The following NCAN variants were observed in gnomAD, a reference collection of about 807,000 sequenced individuals.
The protein encoded by NCAN is neurocan.
In NCAN, 47 loss-of-function variants were observed where a neutral mutation model predicts 121.8. The observed-to-expected ratio is 0.39, with a 90% CI of 0.31 to 0.49. NCAN has a LOEUF of 0.49. Among genes scored for constraint, NCAN ranks in the 20% least tolerant of loss-of-function variants. NCAN has a pLI of 0.92. For missense variants in NCAN, 1,517 were observed against 1,773.4 expected (o/e 0.86, Z 2.60); for synonymous variants, 633 against 702.0 (o/e 0.90, Z 1.55).
chr19:19,213,996 AC>A (rs1425572253), intron 1 of NCAN, among the ~76,000 whole-genome samples: 5 of 152,012 alleles, frequency 3.3e-5, no homozygotes, highest in Non-Finnish European at 7.4e-5. Flanking sequence ...CATGTGCTCC[AC>A]CCGGTGCACG....
chr19:19,236,560 G>A (rs939905546), intron 10 of NCAN, among the ~76,000 whole-genome samples: 4 of 151,948 alleles, frequency 2.6e-5, no homozygotes, highest in African/African-American at 9.7e-5. Context: ...ACTCTCAGGA[G>A]TGGAATTGCT....
In NCAN at chr19:19,251,483, G is replaced by A. The variant is rs577622079; in HGVS notation, c.*1572G>A. The stretch of plus-strand genomic sequence containing the variant: ...GGTACTGGCTTGAAGTCACAACCAC[G>A]ACAGGAGTAAGGATTTGGAATAAGG... On this transcript the variant is annotated 3_prime_UTR_variant, in exon 15 of 15. Coordinates refer to ENST00000252575, the MANE Select transcript of NCAN (RefSeq NM_004386.3). 6.6e-6 allele frequency: 1 copy of A among 152,202 alleles called. No individual in the cohort carries two copies. Among genetic ancestry groups the A allele is most frequent in the East Asian group, 1.9e-4 (1 of 5,186 alleles). 9.4% of individuals were successfully genotyped at this position (152,202 alleles called of 1,614,324 possible).
At chr19:19,230,563 T>C (rs1274401609) in intron 8 of NCAN, among the ~76,000 whole-genome samples, 1 of 151,486 alleles carries the variant, frequency 6.6e-6, no homozygotes, top group Non-Finnish European at 1.5e-5. Flanking sequence ...CCAACAGGCC[T>C]GGCTAATTTT....
chr19:19,237,178 G>T (rs1448931557), intron 10 of NCAN, among the ~76,000 whole-genome samples: 1 of 151,604 alleles, frequency 6.6e-6, no homozygotes, highest in Non-Finnish European at 1.5e-5. Context: ...CAAAATACTG[G>T]GATTACAGGC....
rs375655658 is a variant in NCAN at position 19,226,900 on chromosome 19, C to T, written c.1487C>T (p.Pro496Leu). ...LNGRYFQQQEPEPGLQGGMEA... is the reference protein window; with the variant it reads ...LNGRYFQQQELEPGLQGGMEA... The stretch of plus-strand genomic sequence containing the variant: ...GGGCGCTACTTCCAGCAGCAGGAAC[C>T]GGAGCCGGGGCTGCAAGGGGGGATG... Residue 496 changes from proline (P) to leucine (L), a missense_variant, in exon 7 of 15, where the codon CCG (proline) becomes CTG (leucine). Transcript: ENST00000252575. 29 of 1,607,792 alleles carry T rather than the reference C, an allele frequency of 1.8e-5. No individual in the cohort carries two copies. Among genetic ancestry groups the T allele is most frequent in the South Asian group, 2.2e-5 (2 of 90,610 alleles).
At chr19:19,232,832 G>T (rs929166038) in intron 8 of NCAN, 4 of 152,064 alleles carry the variant, frequency 2.6e-5, no homozygotes, top group Non-Finnish European at 5.9e-5. Context: ...AGAAACGATT[G>T]TTCTAATAAA....
chr19:19,234,893 C>T, intron 9 of NCAN, 90 bp from the exon 10 acceptor site: 2 of 741,794 alleles, frequency 2.7e-6, no homozygotes, highest in Admixed American at 2.6e-5. Context: ...GATGGTAGGA[C>T]CATGACCCCA....
intron 5 of NCAN, 127 bp from the exon 6 acceptor site, chr19:19,224,850 T>C: frequency 1.2e-6 from 1 of 809,028 alleles, no homozygotes; most frequent in Non-Finnish European, 1.8e-6. Context: ...ACAGCTGCGG[T>C]TGTCACCGCC....
rs759718731 is a variant in NCAN at position 19,224,215 on chromosome 19, C to G, written c.650+20C>G. 6 of 1,586,790 alleles carry G rather than the reference C, an allele frequency of 3.8e-6. 1 individual carries two copies. The South Asian group carries it at 6.8e-5, about 18-fold the overall frequency. On this transcript the variant is annotated intron_variant, in intron 4 of 14. Coordinates refer to ENST00000252575, the MANE Select transcript of NCAN (RefSeq NM_004386.3). ...TGTTCGGTGAGGGGGATACACAGGG[C>G]AGGGAGATGAAGACTAGCTCATGGG...
intron 2 of NCAN, among the ~76,000 whole-genome samples, chr19:19,218,058 C>G (rs2060802295): frequency 6.6e-6 from 1 of 151,298 alleles, no homozygotes; most frequent in African/African-American, 2.4e-5. Flanking sequence ...GTAGGTGGAT[C>G]AGTTGAGGTC....
rs1046556423 is a variant in NCAN, at chr19:19,250,355, G to A, written c.*444G>A. ...ATCCAGGAAGAAGCCTGGACGTAGG[G>A]TCATTAGCTTTGGGAATAGAAGGCT... On this transcript the variant is annotated 3_prime_UTR_variant, in exon 15 of 15. Transcript: ENST00000252575. 2 of 360,122 alleles carry A rather than the reference G, an allele frequency of 5.6e-6. No homozygotes were observed. The highest frequency in any genetic ancestry group is 2.1e-5 in the South Asian group (1 of 46,690). 22.3% of individuals were successfully genotyped at this position (360,122 alleles called of 1,614,324 possible).
At chr19:19,234,902 C>G in intron 9 of NCAN, 81 bp from the exon 10 acceptor site, 1 of 815,296 alleles carries the variant, frequency 1.2e-6, no homozygotes, top group Non-Finnish European at 2.0e-6. Flanking sequence ...ACCATGACCC[C>G]ATCTTCTGCT....
chr19:19,229,894 C>T (rs1051003217), intron 8 of NCAN, among the ~76,000 whole-genome samples: 2 of 152,116 alleles, frequency 1.3e-5, no homozygotes, highest in Non-Finnish European at 2.9e-5. Flanking sequence ...CTGGCCAACA[C>T]AGCAAGACCC....
rs891618170 is a variant in NCAN at position 19,225,307 on chromosome 19, T to G, written c.1072+37T>G. On this transcript the variant is annotated intron_variant, in intron 6 of 14. Transcript: ENST00000252575. The surrounding 1 kb of genome is among the most constrained non-coding windows in gnomAD (Gnocchi z 4.0). ...CCCTGGTGGCCGCGCCCCCAGGGCTTTCACTTTGGCGAAGGCCACGTCCCT... is the reference window on the plus strand; with the variant it reads ...CCCTGGTGGCCGCGCCCCCAGGGCTGTCACTTTGGCGAAGGCCACGTCCCT... 1 of 1,484,292 alleles carries G rather than the reference T, an allele frequency of 6.7e-7. No homozygotes were observed. Among genetic ancestry groups the G allele is most frequent in the African/African-American group, 1.5e-5 (1 of 67,910 alleles). 91.9% of individuals were successfully genotyped at this position (1,484,292 alleles called of 1,614,324 possible).
At chr19:19,228,800 G>A (rs539244045) in intron 8 of NCAN, among the ~76,000 whole-genome samples, 161 bp downstream of exon 8, 4 of 152,330 alleles carry the variant, frequency 2.6e-5, no homozygotes, top group Non-Finnish European at 5.9e-5. Context: ...AGGTGGAGTT[G>A]AATTTCAGAA....
intron 10 of NCAN, among the ~76,000 whole-genome samples, chr19:19,236,685 C>T (rs1159079275): frequency 1.3e-5 from 2 of 150,506 alleles, no homozygotes; most frequent in African/African-American, 4.9e-5. Context: ...CTGCCTCAGC[C>T]TCCCAAAGTG....
chr19:19,236,276 T>G (rs1391224134), intron 10 of NCAN, among the ~76,000 whole-genome samples: 1 of 152,242 alleles, frequency 6.6e-6, no homozygotes, highest in East Asian at 1.9e-4. Context: ...TCAAAATATG[T>G]GTCTTTTGTG....
intron 3 of NCAN, among the ~76,000 whole-genome samples, chr19:19,220,602 C>A (rs1292488501): frequency 2.0e-5 from 3 of 151,808 alleles, no homozygotes; most frequent in Non-Finnish European, 4.4e-5. Flanking sequence ...GGACTACAGG[C>A]GCCCGCCACA....
Position 19,227,147 on chromosome 19 carries a change from C to A in NCAN, c.1660+74C>A. 1 of 1,490,582 alleles carries A rather than the reference C, an allele frequency of 6.7e-7. No individual in the cohort carries two copies. The highest frequency in any genetic ancestry group is 8.9e-7 in the Non-Finnish European group (1 of 1,121,042). The allele number at this position is 1,490,582 out of a possible 1,614,324, so 92.3% of individuals were successfully genotyped here. A position where few individuals can be genotyped will look rare whatever the true frequency, so the allele number is the denominator to read the frequency against. Reference sequence around the variant, plus strand: ...GGGTAGAGAGGTAGCCATGGCTACACTCAGAATGAGGGAGGAAGCTCCAAA... The same window carrying A: ...GGGTAGAGAGGTAGCCATGGCTACAATCAGAATGAGGGAGGAAGCTCCAAA... On this transcript the variant is annotated intron_variant, in intron 7 of 14. Transcript: ENST00000252575. This position sits in a 1 kb window ranked among gnomAD's most constrained non-coding sequence, Gnocchi z 4.2.
Sources: gnomAD v4.1 joint callset for allele counts (sites outside exome capture counted in the v4.1 genomes callset) on GRCh38, gnomAD v4.1.1 for gene constraint, Gnocchi (gnomAD v3.1) non-coding constraint, MANE v1.5 for transcripts, NCBI Gene and HGNC (gene_info 2026-07-23, HGNC 2026-07-21) for gene names.